The following NAXD variants were observed in gnomAD, a reference collection of about 807,000 sequenced individuals.
NAXD encodes NAD(P)HX dehydratase.
A neutral mutation model predicts 35.8 loss-of-function variants in NAXD; 22 were observed. The observed-to-expected ratio is 0.62, with a 90% CI of 0.44 to 0.88. The LOEUF is 0.88. Among genes scored for constraint, NAXD ranks in the 40% least tolerant of loss-of-function variants. The pLI, the probability that NAXD is intolerant of heterozygous loss-of-function variation, is 0.00. For missense variants in NAXD, 428 were observed against 437.7 expected (o/e 0.98, Z 0.20); for synonymous variants, 189 against 177.6 (o/e 1.06, Z -0.51).
At chr13:110,636,761 A>G (rs937400170) in intron 8 of NAXD, among the ~76,000 whole-genome samples, 26 of 152,286 alleles carry the variant, frequency 1.7e-4, no homozygotes, top group African/African-American at 6.3e-4. Flanking sequence ...GCTGCAGGTG[A>G]GGGCTCCGTC....
chr13:110,619,172 TG>T (rs755502302), intron 1 of NAXD, among the ~76,000 whole-genome samples: 88 of 152,356 alleles, frequency 5.8e-4, no homozygotes, highest in Non-Finnish European at 8.7e-4. Flanking sequence ...AAAGTGCAAA[TG>T]GGTAGTTCAG....
At chr13:110,622,935 A>G (rs1016499049) in intron 2 of NAXD, among the ~76,000 whole-genome samples, 6 of 151,858 alleles carry the variant, frequency 4.0e-5, no homozygotes, top group African/African-American at 1.5e-4. Flanking sequence ...CCATCCCTCC[A>G]TTTGCAGCTG....
rs907147428 is a variant in NAXD, at chr13:110,634,914, G to A, written c.597+138G>A. The A allele has an allele frequency of 1.8e-5, 12 of 681,816 alleles. No homozygotes were observed. In the African/African-American group the frequency reaches 2.1e-4, roughly 12 times the overall value. The allele number at this position is 681,816 out of a possible 1,614,324, so 42.2% of individuals were successfully genotyped here. A position where few individuals can be genotyped will look rare whatever the true frequency, so the allele number is the denominator to read the frequency against. Reference sequence around the variant, plus strand: ...AATCGCTGTGCCTCTCCCAGCGGATGGCGCGTCTTCCCATTAATGCGCTTG... The same window carrying A: ...AATCGCTGTGCCTCTCCCAGCGGATAGCGCGTCTTCCCATTAATGCGCTTG... On this transcript the variant is annotated intron_variant, in intron 7 of 9. Coordinates refer to ENST00000680254, the MANE Select transcript of NAXD (RefSeq NM_001242882.2).
chr13:110,618,460 T>C (rs1332045320), intron 1 of NAXD, among the ~76,000 whole-genome samples: 1 of 152,210 alleles, frequency 6.6e-6, no homozygotes, highest in Non-Finnish European at 1.5e-5. Flanking sequence ...CTACCTTCTG[T>C]ATAAGATAAA....
chr13:110,620,080 G>A (rs908704131), intron 1 of NAXD, among the ~76,000 whole-genome samples: 1 of 151,876 alleles, frequency 6.6e-6, no homozygotes, highest in African/African-American at 2.4e-5. Context: ...ATTACAGCGG[G>A]GAGCCACTGC....
intron 8 of NAXD, among the ~76,000 whole-genome samples, chr13:110,636,266 TG>T (rs764594640): frequency 2.6e-5 from 4 of 152,258 alleles, no homozygotes; most frequent in Non-Finnish European, 5.9e-5. Context: ...GCTGTGGGGC[TG>T]GACTAGGTAC....
chr13:110,624,378 AATATC>A (rs1886380484), intron 3 of NAXD, 99 bp downstream of exon 3: 1 of 791,926 alleles, frequency 1.3e-6, no homozygotes, highest in African/African-American at 1.8e-5. Flanking sequence ...AAATCTAAAT[AATATC>A]TTAGGGTAAT....
At chr13:110,624,033 C>T (rs1424753430) in intron 2 of NAXD, among the ~76,000 whole-genome samples, 5 of 150,678 alleles carry the variant, frequency 3.3e-5, no homozygotes, top group East Asian at 1.9e-4. Context: ...CATTTCTAGT[C>T]GAACCTGGTT....
In NAXD at chr13:110,638,692, C is replaced by A; in HGVS notation, c.*164C>A. Reference sequence around the variant, plus strand: ...GAGAATTTAAGAATCTGGAATATTGCAGCTTTTGGTTAAACTTAATGCATG... The same window carrying A: ...GAGAATTTAAGAATCTGGAATATTGAAGCTTTTGGTTAAACTTAATGCATG... On this transcript the variant is annotated 3_prime_UTR_variant, in exon 10 of 10. Coordinates refer to ENST00000680254, the MANE Select transcript of NAXD (RefSeq NM_001242882.2). The surrounding 1 kb of genome is among the most constrained non-coding windows in gnomAD (Gnocchi z 5.4). 1.2e-6 allele frequency: 1 copy of A among 821,300 alleles called. No homozygotes were observed. Among genetic ancestry groups the A allele is most frequent in the Non-Finnish European group, 2.0e-6 (1 of 493,238 alleles). 50.9% of individuals were successfully genotyped at this position (821,300 alleles called of 1,614,324 possible).
In NAXD at chr13:110,615,574, G is replaced by C; in HGVS notation, c.-28G>C. The C allele has an allele frequency of 7.4e-7, 1 of 1,342,800 alleles. No individual in the cohort carries two copies. The highest frequency in any genetic ancestry group is 9.6e-7 in the Non-Finnish European group (1 of 1,045,760). 83.2% of individuals were successfully genotyped at this position (1,342,800 alleles called of 1,614,324 possible). On this transcript the variant is annotated 5_prime_UTR_variant, in exon 1 of 10. Transcript: ENST00000680254. ...GCTGTGTTTCCGGCGACGGCGCGGG[G>C]GCAGCTGGGAATCCGGAATGCTGCC...
At chr13:110,615,860 TG>T in intron 1 of NAXD, 1 of 1,163,276 alleles carries the variant, frequency 8.6e-7, no homozygotes, top group South Asian at 2.6e-5. Context: ...GGGCGCCGTG[TG>T]GCCTGCGGGG....
At chr13:110,616,118 C>T in intron 1 of NAXD, 1 of 293,938 alleles carries the variant, frequency 3.4e-6, no homozygotes, top group Non-Finnish European at 6.3e-6. Flanking sequence ...CTGCTCTGTC[C>T]CCGCTCCCGG....
intron 5 of NAXD, among the ~76,000 whole-genome samples, chr13:110,631,647 T>C (rs1258628377): frequency 7.9e-5 from 12 of 152,210 alleles, no homozygotes; most frequent in Non-Finnish European, 1.8e-4. Context: ...TGCCAAATAC[T>C]GCAACATGAA....
rs1387310237 is a variant in NAXD, at chr13:110,637,219, C to T, written c.809C>T (p.Ala270Val). The change falls in exon 9 of 10, where the codon GCG becomes GTG. Residue 270 changes from alanine to valine, a missense_variant. This residue lies in a region of NAXD where 209 missense variants were observed against 214.6 expected (regional missense o/e 0.97). Coordinates refer to ENST00000680254, the MANE Select transcript of NAXD (RefSeq NM_001242882.2). ...SGSLGVLVHW[A>V]LLAGPQKTNG... ...TCCCTGGGCGTCCTGGTACACTGGG[C>T]GCTCCTTGCTGGACCACAGAAAACA... The T allele has an allele frequency of 1.9e-6, 3 of 1,614,036 alleles. No individual in the cohort carries two copies. The highest frequency in any genetic ancestry group is 1.7e-5 in the Admixed American group (1 of 60,008).
At chr13:110,625,768 G>T (rs1278630776) in intron 4 of NAXD, among the ~76,000 whole-genome samples, 1 of 152,248 alleles carries the variant, frequency 6.6e-6, no homozygotes, top group Non-Finnish European at 1.5e-5. Flanking sequence ...CAGGATTGTG[G>T]CCACTGAGGG....
At chr13:110,632,213 C>T (rs535067643) in intron 5 of NAXD, among the ~76,000 whole-genome samples, 1 of 150,418 alleles carries the variant, frequency 6.6e-6, no homozygotes, top group South Asian at 2.1e-4. Flanking sequence ...AGTGTTACAG[C>T]TCTTAAGGCA....
intron 1 of NAXD, among the ~76,000 whole-genome samples, chr13:110,621,982 A>G (rs1389368521): frequency 6.6e-6 from 1 of 152,080 alleles, no homozygotes; most frequent in Non-Finnish European, 1.5e-5. Context: ...GTGAGCTGAG[A>G]TCACGCCACT....
intron 2 of NAXD, 22 bp from the exon 3 acceptor site, chr13:110,624,212 A>G: frequency 2.6e-6 from 4 of 1,554,368 alleles, no homozygotes; most frequent in Non-Finnish European, 3.5e-6. Context: ...GAAGTTTTTG[A>G]CTCTAAATAC....
intron 1 of NAXD, among the ~76,000 whole-genome samples, chr13:110,616,834 TTGC>T (rs573781357): frequency 2.6e-4 from 39 of 152,202 alleles, no homozygotes; most frequent in Non-Finnish European, 4.9e-4. Context: ...GCACCATTTG[TTGC>T]TGTAGTCATT....
Sources: allele counts gnomAD v4.1 joint callset (sites outside exome capture counted in the v4.1 genomes callset), GRCh38; gene constraint gnomAD v4.1.1; regional missense constraint gnomAD v4.1.1; non-coding constraint Gnocchi (gnomAD v3.1); transcripts MANE v1.5; gene names NCBI Gene and HGNC (gene_info 2026-07-23, HGNC 2026-07-21).